Variants in MYO1F observed in about 807,000 individuals in gnomAD.
MYO1F encodes the protein unconventional myosin-If.
A neutral mutation model predicts 146.6 loss-of-function variants in MYO1F; 60 were observed. The ratio of observed to expected loss-of-function variants is 0.41; its 90% confidence interval spans 0.33 to 0.51. The LOEUF (loss-of-function observed/expected upper bound fraction) is 0.51. MYO1F is among the 20% of genes least tolerant of loss of function. MYO1F has a pLI of 0.25. For missense variants in MYO1F, 1,274 were observed against 1,534.3 expected (o/e 0.83, Z 2.83); for synonymous variants, 602 against 602.1 (o/e 1.00, Z 0.00).
Position 8,574,530 on chromosome 19 carries a change from C to CCTTTCTTTCTTTCTTT in MYO1F, c.3+2761_3+2776dup, listed in dbSNP as rs1183292416. Among the ~76,000 whole-genome samples, 76 of 119,062 alleles carry CCTTTCTTTCTTTCTTT rather than the reference C, an allele frequency of 6.4e-4. 2 individuals carry two copies. The highest frequency in any genetic ancestry group is 8.3e-4 in the Admixed American group (10 of 12,038). 78.1% of individuals were successfully genotyped at this position (119,062 alleles called of 152,430 possible). On this transcript the variant is annotated intron_variant, in intron 1 of 27. Coordinates refer to ENST00000644032, the MANE Select transcript of MYO1F (RefSeq NM_012335.4). ...CTTTTCCTTTATTTCTTCTTTTTTC[C>CCTTTCTTTCTTTCTTT]CTTTCTTTCTTTCTTTCTTTCTTTC...
At chr19:8,533,132 G>A (rs113632269) in intron 19 of MYO1F, among the ~76,000 whole-genome samples, 2,629 of 135,476 alleles carry the variant, frequency 0.019, 32 homozygotes, top group African/African-American at 0.042. Flanking sequence ...CTCGGCTCCC[G>A]GGCTCAAGGG....
intron 1 of MYO1F, among the ~76,000 whole-genome samples, chr19:8,560,086 C>T (rs1430531528): frequency 1.3e-5 from 2 of 151,832 alleles, no homozygotes; most frequent in Non-Finnish European, 2.9e-5. Flanking sequence ...CGAAGGGAAA[C>T]GGAGGCTGGA....
At chr19:8,529,717 C>T in intron 21 of MYO1F, 1 of 287,052 alleles carries the variant, frequency 3.5e-6, no homozygotes, top group Non-Finnish European at 6.9e-6. Flanking sequence ...AGAGATGCAT[C>T]TGGCCAGGTG....
intron 14 of MYO1F, among the ~76,000 whole-genome samples, chr19:8,543,095 G>C (rs1160012985): frequency 6.6e-6 from 1 of 151,668 alleles, no homozygotes; most frequent in Non-Finnish European, 1.5e-5. Flanking sequence ...GTAGAGACTG[G>C]GTTTCACCAT....
At chr19:8,575,224 G>A (rs1029569028) in intron 1 of MYO1F, among the ~76,000 whole-genome samples, 2 of 151,584 alleles carry the variant, frequency 1.3e-5, no homozygotes, top group Admixed American at 1.3e-4. Flanking sequence ...TGACAGGCAT[G>A]TGCCACCACA....
intron 1 of MYO1F, among the ~76,000 whole-genome samples, chr19:8,572,658 C>T (rs979614297): frequency 1.3e-5 from 2 of 152,136 alleles, no homozygotes; most frequent in Non-Finnish European, 2.9e-5. Flanking sequence ...ATTCTGGACC[C>T]AGCAGCCACT....
chr19:8,560,135 T>C (rs1974023532), intron 1 of MYO1F, among the ~76,000 whole-genome samples: 1 of 151,626 alleles, frequency 6.6e-6, no homozygotes, highest in Non-Finnish European at 1.5e-5. Flanking sequence ...GGACTAAAGA[T>C]ACAGGTATTG....
At chr19:8,544,106 G>T (rs1973227389) in intron 14 of MYO1F, 191 bp downstream of exon 14, 1 of 654,916 alleles carries the variant, frequency 1.5e-6, no homozygotes, top group Admixed American at 2.7e-5. Flanking sequence ...GTTCCTGGGG[G>T]GTCAGCCGGA....
chr19:8,535,703 G>A (rs974084783), intron 19 of MYO1F, among the ~76,000 whole-genome samples: 1 of 147,784 alleles, frequency 6.8e-6, no homozygotes, highest in Non-Finnish European at 1.5e-5. Context: ...TTTTTGAGAC[G>A]GAGTCTCGCT....
At chr19:8,571,131 T>C (rs1248413883) in intron 1 of MYO1F, among the ~76,000 whole-genome samples, 2 of 152,224 alleles carry the variant, frequency 1.3e-5, no homozygotes, top group Non-Finnish European at 2.9e-5. Context: ...GAGCTCTAGA[T>C]TGAAGACAGC....
rs776453460 is a variant in MYO1F at position 8,554,701 on chromosome 19, G to T, written c.184C>A (p.Gln62Lys). ...SVLISVNPFK[Q>K]MPYFTDREID... ...TCACGGTCGGTGAAGTAGGGCATCTGCTTGAAGGGGTTTACAGAGATGAGC... is the reference window on the plus strand; with the variant it reads ...TCACGGTCGGTGAAGTAGGGCATCTTCTTGAAGGGGTTTACAGAGATGAGC... The change falls in exon 3 of 28, where the codon CAG (glutamine) becomes AAG (lysine). Residue 62 changes from glutamine (Q) to lysine (K), a missense_variant. By Grantham distance (53) the Gln-to-Lys change is moderately conservative. Coordinates refer to ENST00000644032, the MANE Select transcript of MYO1F (RefSeq NM_012335.4). The T allele has an allele frequency of 5.0e-6, 8 of 1,613,830 alleles. No homozygotes were observed. The highest frequency in any genetic ancestry group is 6.8e-6 in the Non-Finnish European group (8 of 1,180,014).
At chr19:8,541,817 A>C (rs1972985930) in intron 15 of MYO1F, 89 bp downstream of exon 15, 3 of 1,175,558 alleles carry the variant, frequency 2.6e-6, no homozygotes, top group Non-Finnish European at 3.8e-6. Flanking sequence ...GCGAGATGGC[A>C]GTTCTGGGTA....
At chr19:8,575,900 C>A (rs1271003567) in intron 1 of MYO1F, among the ~76,000 whole-genome samples, 1 of 152,208 alleles carries the variant, frequency 6.6e-6, no homozygotes, top group Non-Finnish European at 1.5e-5. Context: ...GGACCTGAGC[C>A]TCCCTGGCTT....
Position 8,530,446 on chromosome 19 carries a change from C to G in MYO1F, c.2158+13G>C, listed in dbSNP as rs750324875. The stretch of plus-strand genomic sequence containing the variant: ...GTGCCCCCACCCCGCGCCGTTTACC[C>G]GAAGCCTCTCACCTTCCTCCCGCAT... On this transcript the variant is annotated intron_variant, in intron 20 of 27. Coordinates refer to ENST00000644032, the MANE Select transcript of MYO1F (RefSeq NM_012335.4). The surrounding 1 kb of genome is among the most constrained non-coding windows in gnomAD (Gnocchi z 5.8). 8 of 1,613,710 alleles carry G rather than the reference C, an allele frequency of 5.0e-6. No homozygotes were observed. The highest frequency in any genetic ancestry group is 3.3e-5 in the Admixed American group (2 of 60,016).
intron 21 of MYO1F, among the ~76,000 whole-genome samples, chr19:8,528,918 G>A (rs1380451754): frequency 1.3e-5 from 2 of 152,168 alleles, no homozygotes; most frequent in East Asian, 3.8e-4. Context: ...GTGCAAGCCG[G>A]TTGAGCTGGC....
chr19:8,543,762 GTGGTGC>G lies in MYO1F; in HGVS notation c.1524+529_1524+534del, dbSNP rs1344325782. Among the ~76,000 whole-genome samples the G allele has an allele frequency of 5.3e-4, 5 of 9,364 alleles. No individual in the cohort carries two copies. The South Asian group carries it at 0.016, about 29-fold the overall frequency. 6.1% of individuals were successfully genotyped at this position (9,364 alleles called of 152,430 possible). A position where few individuals can be genotyped will look rare whatever the true frequency, so the allele number is the denominator to read the frequency against. ...GGTGGTGCTGGTGGTGGTGGTGGTG[GTGGTGC>G]TGGTGGTGCTGGTGGTGCTGGTGGT... On this transcript the variant is annotated intron_variant, in intron 14 of 27. Transcript: ENST00000644032.
At chr19:8,561,686 TTTCC>T (rs765758002) in intron 1 of MYO1F, among the ~76,000 whole-genome samples, 9 of 149,692 alleles carry the variant, frequency 6.0e-5, no homozygotes, top group Non-Finnish European at 8.9e-5. Flanking sequence ...TCCCTTCCCT[TTTCC>T]TTCCTTCCTT....
chr19:8,547,263 T>G (rs1973399915), intron 12 of MYO1F, among the ~76,000 whole-genome samples: 1 of 132,366 alleles, frequency 7.6e-6, no homozygotes, highest in Non-Finnish European at 1.5e-5. Context: ...ATCACACCAC[T>G]GCACTCCAGC....
chr19:8,553,892 ACACT>A (rs1394970051), intron 4 of MYO1F, among the ~76,000 whole-genome samples: 6,470 of 104,946 alleles, frequency 0.062, 464 homozygotes, highest in African/African-American at 0.21. Flanking sequence ...ACACACACAC[ACACT>A]CTCTCTCTCT....
Sources: allele counts gnomAD v4.1 joint callset (sites outside exome capture counted in the v4.1 genomes callset), GRCh38; gene constraint gnomAD v4.1.1; non-coding constraint Gnocchi (gnomAD v3.1); transcripts MANE v1.5; gene names NCBI Gene and HGNC (gene_info 2026-07-23, HGNC 2026-07-21).